Variants in PLEKHM3 observed in about 807,000 individuals in gnomAD.
The protein encoded by PLEKHM3 is pleckstrin homology domain containing M3, also known as pleckstrin homology domain-containing family M member 3.
In PLEKHM3, 45 loss-of-function variants were observed where a neutral mutation model predicts 81.8. The ratio of observed to expected loss-of-function variants is 0.55; its 90% confidence interval spans 0.43 to 0.71. PLEKHM3 has a LOEUF of 0.71. PLEKHM3 is among the 30% of genes least tolerant of loss of function. PLEKHM3 has a pLI of 0.00. For synonymous variants in PLEKHM3, 352 were observed against 356.4 expected, an observed-to-expected ratio of 0.99 and a Z score of 0.14; for missense variants, 788 against 924.3, an observed-to-expected ratio of 0.85 and a Z score of 1.91.
intron 4 of PLEKHM3, among the ~76,000 whole-genome samples, chr2:207,932,489 C>CA (rs1689627384): frequency 6.6e-6 from 1 of 151,430 alleles, no homozygotes. Flanking sequence ...TTAAAATAAA[C>CA]AAAAAACTTT....
intron 2 of PLEKHM3, among the ~76,000 whole-genome samples, chr2:207,993,500 G>A (rs1193074727): frequency 2.7e-5 from 4 of 145,816 alleles, no homozygotes; most frequent in Non-Finnish European, 4.5e-5. Context: ...CCCAAATTTG[G>A]CTTTTTTTTT....
At chr2:207,982,240 C>T (rs1249457335) in intron 2 of PLEKHM3, among the ~76,000 whole-genome samples, 17 of 129,188 alleles carry the variant, frequency 1.3e-4, no homozygotes, top group Admixed American at 1.1e-3. Flanking sequence ...TCACTCCCCC[C>T]CTCGCTCCCC....
intron 6 of PLEKHM3, among the ~76,000 whole-genome samples, chr2:207,864,593 C>T (rs921106619): frequency 1.3e-5 from 2 of 152,118 alleles, no homozygotes; most frequent in African/African-American, 4.8e-5. Flanking sequence ...GAAGAGAAGA[C>T]CTTGAGGAAG....
At chr2:207,988,379 C>T (rs1691794170) in intron 2 of PLEKHM3, among the ~76,000 whole-genome samples, 2 of 152,180 alleles carry the variant, frequency 1.3e-5, no homozygotes, top group South Asian at 4.1e-4. Flanking sequence ...GTTTCCTCAT[C>T]TTTAAAGTGG....
At chr2:207,938,768 T>C (rs1338885166) in intron 4 of PLEKHM3, among the ~76,000 whole-genome samples, 1 of 152,072 alleles carries the variant, frequency 6.6e-6, no homozygotes, top group East Asian at 1.9e-4. Flanking sequence ...ATGAAGCGAG[T>C]GTACCTAATA....
intron 5 of PLEKHM3, among the ~76,000 whole-genome samples, chr2:207,921,580 C>A (rs1023843226): frequency 6.6e-5 from 10 of 152,060 alleles, no homozygotes; most frequent in African/African-American, 2.2e-4. Flanking sequence ...CTATATTCAC[C>A]CTACAGTGCT....
At chr2:207,859,875 G>A (rs571981138) in intron 7 of PLEKHM3, among the ~76,000 whole-genome samples, 4 of 152,194 alleles carry the variant, frequency 2.6e-5, no homozygotes, top group Non-Finnish European at 5.9e-5. Context: ...GGGATTACAG[G>A]CGTGAGCCAC....
At chr2:207,893,713 CT>C (rs1688135632) in intron 6 of PLEKHM3, among the ~76,000 whole-genome samples, 1 of 152,182 alleles carries the variant, frequency 6.6e-6, no homozygotes, top group East Asian at 1.9e-4. Flanking sequence ...CTCAAAAGTC[CT>C]TTTTGGAATC....
In PLEKHM3 at chr2:207,865,838, A is replaced by T. The variant is rs1249788075; in HGVS notation, c.1951-4576T>A. On this transcript the variant is annotated intron_variant, in intron 6 of 7. Transcript: ENST00000427836. ...TATATATATATATATATATATATAT[A>T]CTTTCTGTCTTTATAGATTTGCCTA... Among the ~76,000 whole-genome samples the T allele has an allele frequency of 3.6e-4, 39 of 108,606 alleles. 1 individual carries two copies. Among genetic ancestry groups the T allele is most frequent in the African/African-American group, 1.3e-3 (37 of 29,034 alleles). 71.2% of individuals were successfully genotyped at this position (108,606 alleles called of 152,430 possible).
chr2:207,926,581 AC>A (rs770245447), intron 5 of PLEKHM3, among the ~76,000 whole-genome samples: 7 of 152,320 alleles, frequency 4.6e-5, no homozygotes, highest in Admixed American at 3.3e-4. Flanking sequence ...ATGTGTGGAC[AC>A]TGTAAATAAT....
Position 207,865,804 on chromosome 2 carries a change from ATATATATATAT to A in PLEKHM3, c.1951-4553_1951-4543del, listed in dbSNP as rs2092496447. Among the ~76,000 whole-genome samples the A allele has an allele frequency of 1.2e-3, 36 of 30,916 alleles. 2 individuals carry two copies. The highest frequency in any genetic ancestry group is 4.2e-3 in the East Asian group (5 of 1,190). The allele number at this position is 30,916 out of a possible 152,430, so 20.3% of individuals were successfully genotyped here. On this transcript the variant is annotated intron_variant, in intron 6 of 7. Coordinates refer to ENST00000427836, the MANE Select transcript of PLEKHM3 (RefSeq NM_001080475.3). ...CTCAAAAAAAAAAAAAAAAAAAAAG[ATATATATATAT>A]ATATATATATATATATATATATACT...
At chr2:207,968,833 T>TA (rs1392758738) in intron 3 of PLEKHM3, among the ~76,000 whole-genome samples, 1 of 152,192 alleles carries the variant, frequency 6.6e-6, no homozygotes, top group Non-Finnish European at 1.5e-5. Context: ...GAAAATGACT[T>TA]AGACAATACA....
intron 6 of PLEKHM3, among the ~76,000 whole-genome samples, chr2:207,886,944 T>C (rs1176914664): frequency 6.6e-6 from 1 of 152,212 alleles, no homozygotes; most frequent in Non-Finnish European, 1.5e-5. Context: ...GTAATTTACC[T>C]TCTGTGCCTA....
At chr2:207,910,199 A>G (rs939096527) in intron 5 of PLEKHM3, among the ~76,000 whole-genome samples, 1 of 152,204 alleles carries the variant, frequency 6.6e-6, no homozygotes, top group Non-Finnish European at 1.5e-5. Context: ...CAGGAAGCAG[A>G]GCACAGGTCC....
At position 207,865,801 on chromosome 2, in the gene PLEKHM3, A is replaced by AAAT; in HGVS notation, c.1951-4540_1951-4539insATT. Among the ~76,000 whole-genome samples, 22 of 25,288 alleles carry AAAT rather than the reference A, an allele frequency of 8.7e-4. 3 individuals are homozygous for AAAT. Among genetic ancestry groups the AAAT allele is most frequent in the African/African-American group, 3.5e-3 (17 of 4,792 alleles). 16.6% of individuals were successfully genotyped at this position (25,288 alleles called of 152,430 possible). On this transcript the variant is annotated intron_variant, in intron 6 of 7. Coordinates refer to ENST00000427836, the MANE Select transcript of PLEKHM3 (RefSeq NM_001080475.3). ...CGACTCAAAAAAAAAAAAAAAAAAA[A>AAAT]AGATATATATATATATATATATATA...
rs145428942 is a variant in PLEKHM3 at position 207,890,298 on chromosome 2, T to C, written c.1950+18216A>G. On this transcript the variant is annotated intron_variant, in intron 6 of 7. Coordinates refer to ENST00000427836, the MANE Select transcript of PLEKHM3 (RefSeq NM_001080475.3). ...ATGGGAAGGAGATGGTTTCCTTAAA[T>C]ACATGACTGTGAATAATATATATTA... Among the ~76,000 whole-genome samples, 13 of 152,270 alleles carry C rather than the reference T, an allele frequency of 8.5e-5. No individual in the cohort carries two copies. The South Asian group carries it at 1.2e-3, about 15-fold the overall frequency.
chr2:207,941,730 G>A (rs1689945255), intron 4 of PLEKHM3, among the ~76,000 whole-genome samples: 1 of 152,144 alleles, frequency 6.6e-6, no homozygotes, highest in African/African-American at 2.4e-5. Context: ...AATCTGACAA[G>A]GGATTAATAA....
chr2:207,995,271 C>A (rs1193659112), intron 2 of PLEKHM3, among the ~76,000 whole-genome samples: 1 of 152,178 alleles, frequency 6.6e-6, no homozygotes, highest in Non-Finnish European at 1.5e-5. Flanking sequence ...TTTGGCATGC[C>A]TCAGTTTTTC....
chr2:207,901,459 G>A (rs1688424118), intron 6 of PLEKHM3, among the ~76,000 whole-genome samples: 1 of 152,222 alleles, frequency 6.6e-6, no homozygotes, highest in South Asian at 2.1e-4. Context: ...CATCAAGACT[G>A]AAAGTGAGAA....
Sources: gnomAD v4.1 joint callset for allele counts (sites outside exome capture counted in the v4.1 genomes callset) on GRCh38, gnomAD v4.1.1 for gene constraint, MANE v1.5 for transcripts, NCBI Gene and HGNC (gene_info 2026-07-23, HGNC 2026-07-21) for gene names.